Variants in SDK1 observed in about 807,000 individuals in gnomAD.
The protein encoded by SDK1 is sidekick cell adhesion molecule 1, also known as protein sidekick-1.
In SDK1, 157 loss-of-function variants were observed where a neutral mutation model predicts 245.5. The ratio of observed to expected loss-of-function variants is 0.64; its 90% CI spans 0.56 to 0.73. The LOEUF (loss-of-function observed/expected upper bound fraction) is 0.73, where lower values mean the gene tolerates loss of function less well. SDK1 is among the 30% of genes least tolerant of loss of function. The pLI is 0.00. For synonymous variants in SDK1, 1,647 were observed against 1,278.5 expected (o/e 1.29, Z -6.15); for missense variants, 3,583 against 3,002.3 (o/e 1.19, Z -4.52).
rs1562516369 is a variant in SDK1 at position 3,486,353 on chromosome 7, AT to A, written c.299-132724del. On this transcript the variant is annotated intron_variant, in intron 1 of 44. Transcript: ENST00000404826. ...CAAAACTTAGCCAGTTTTATGGGTC[AT>A]TTCAAAGAACCTGGGTTTCAAATGT... 2.6e-5 allele frequency among the ~76,000 whole-genome samples: 4 copies of A among 152,022 alleles called. No individual in the cohort carries two copies. The South Asian group carries it at 8.3e-4, about 32-fold the overall frequency.
At chr7:4,144,879 C>G (rs991949998) in intron 28 of SDK1, among the ~76,000 whole-genome samples, 1 of 152,090 alleles carries the variant, frequency 6.6e-6, no homozygotes, top group Non-Finnish European at 1.5e-5. Flanking sequence ...CACAGCGCCC[C>G]GTCATTTCTG....
At chr7:3,435,246 T>C (rs1353626487) in intron 1 of SDK1, among the ~76,000 whole-genome samples, 4 of 150,994 alleles carry the variant, frequency 2.6e-5, no homozygotes, top group African/African-American at 7.3e-5. Context: ...TTAAAACAGA[T>C]TATACTGGAG....
At chr7:4,069,352 C>A (rs1780099738) in intron 20 of SDK1, among the ~76,000 whole-genome samples, 1 of 152,246 alleles carries the variant, frequency 6.6e-6, no homozygotes, top group East Asian at 1.9e-4. Flanking sequence ...ACTTAATCTT[C>A]TTCTCTGTCA....
At chr7:3,328,452 A>T (rs79447268) in intron 1 of SDK1, among the ~76,000 whole-genome samples, 6,835 of 152,092 alleles carry the variant, frequency 0.045, 478 homozygotes, top group African/African-American at 0.15. Context: ...TGCTTGTATT[A>T]GTGTGGCAAG....
At chr7:4,080,837 C>A (rs1781009947) in intron 22 of SDK1, among the ~76,000 whole-genome samples, 1 of 151,724 alleles carries the variant, frequency 6.6e-6, no homozygotes, top group Non-Finnish European at 1.5e-5. Flanking sequence ...TGCACACGTA[C>A]CCTAAAACTT....
chr7:3,354,404 G>A (rs1450989832), intron 1 of SDK1, among the ~76,000 whole-genome samples: 2 of 152,120 alleles, frequency 1.3e-5, no homozygotes, highest in African/African-American at 4.8e-5. Context: ...TGTCTGGAAA[G>A]TTGAATATAA....
chr7:4,004,033 A>T (rs971930193), intron 14 of SDK1, among the ~76,000 whole-genome samples: 1 of 152,050 alleles, frequency 6.6e-6, no homozygotes, highest in Non-Finnish European at 1.5e-5. Context: ...CTGAGCCTTC[A>T]CTCCATCCAT....
chr7:3,801,007 C>G (rs1003160657), intron 4 of SDK1, among the ~76,000 whole-genome samples: 4 of 152,210 alleles, frequency 2.6e-5, no homozygotes, highest in Non-Finnish European at 4.4e-5. Context: ...ATGTCCTGAA[C>G]TCAGACATTT....
rs1250195442 is a variant in SDK1, at chr7:3,950,973, G to A, written c.898G>A (p.Gly300Ser). 5 of 1,614,084 alleles carry A rather than the reference G, an allele frequency of 3.1e-6. No individual in the cohort carries two copies. In the Admixed American group the frequency reaches 5.0e-5, roughly 16 times the overall value. The change falls in exon 6 of 45, where the codon GGC (glycine) becomes AGC (serine). Residue 300 changes from glycine (G) to serine (S), a missense_variant. Coordinates refer to ENST00000404826, the MANE Select transcript of SDK1 (RefSeq NM_152744.4). ...TMAPTIVVPP[G>S]NRSVVAGSSE... ...GGCCCCAACCATTGTGGTTCCCCCG[G>A]GCAACAGAAGTGTGGTGGCTGGATC... is the stretch of plus-strand genomic sequence containing the variant.
chr7:4,080,225 G>C lies in SDK1; in HGVS notation c.3324+641G>C, dbSNP rs1247718042. Among the ~76,000 whole-genome samples the C allele has an allele frequency of 2.0e-5, 3 of 152,130 alleles. No individual in the cohort carries two copies. In the East Asian group the frequency reaches 5.8e-4, roughly 29 times the overall value. On this transcript the variant is annotated intron_variant, in intron 22 of 44. Coordinates refer to ENST00000404826, the MANE Select transcript of SDK1 (RefSeq NM_152744.4). ...TGGGGGCGGGTTCCACAGGACTTGA[G>C]AGAGTGGACTCCGCCGAGAGACTTC...
At chr7:3,972,387 T>C in intron 12 of SDK1, among the ~76,000 whole-genome samples, 1 of 152,144 alleles carries the variant, frequency 6.6e-6, no homozygotes, top group Non-Finnish European at 1.5e-5. Context: ...CCAAGGGTTC[T>C]CTAAAGGAAT....
intron 35 of SDK1, among the ~76,000 whole-genome samples, chr7:4,189,069 A>G (rs755790931): frequency 6.6e-6 from 1 of 152,180 alleles, no homozygotes; most frequent in Non-Finnish European, 1.5e-5. Flanking sequence ...AAAAAAGCAA[A>G]TGCTCCTGGG....
intron 5 of SDK1, among the ~76,000 whole-genome samples, chr7:3,896,419 A>G (rs537293789): frequency 5.3e-4 from 80 of 152,196 alleles, no homozygotes; most frequent in Admixed American, 1.2e-3. Context: ...TGGCCTTGGT[A>G]GTTTCCTTAC....
chr7:3,772,587 A>G lies in SDK1; in HGVS notation c.714-48863A>G, dbSNP rs1232777345. Among the ~76,000 whole-genome samples, 2 of 152,246 alleles carry G rather than the reference A, an allele frequency of 1.3e-5. 1 individual carries two copies. Among genetic ancestry groups the G allele is most frequent in the East Asian group, 3.8e-4 (2 of 5,204 alleles). ...AAAAAGTATTAGCATCTTAAATCAT[A>G]TAGAAAAAAGTGGAGTTACAAACTA... On this transcript the variant is annotated intron_variant, in intron 4 of 44. Transcript: ENST00000404826.
intron 17 of SDK1, among the ~76,000 whole-genome samples, chr7:4,033,070 G>A (rs1787949693): frequency 1.3e-5 from 2 of 152,196 alleles, no homozygotes; most frequent in Admixed American, 1.3e-4. Context: ...AAAACATATT[G>A]TAAAGTGCTG....
chr7:3,574,412 G>A (rs1015801837), intron 1 of SDK1, among the ~76,000 whole-genome samples: 1 of 152,006 alleles, frequency 6.6e-6, no homozygotes, highest in Non-Finnish European at 1.5e-5. Flanking sequence ...CACCGTGCCC[G>A]GCTCACATAC....
intron 1 of SDK1, among the ~76,000 whole-genome samples, chr7:3,475,566 G>A (rs951160836): frequency 6.6e-6 from 1 of 152,088 alleles, no homozygotes; most frequent in Non-Finnish European, 1.5e-5. Context: ...AGTTTATTTT[G>A]ATTATTAATG....
intron 25 of SDK1, among the ~76,000 whole-genome samples, chr7:4,120,251 G>C (rs577599069): frequency 6.7e-6 from 1 of 149,216 alleles, no homozygotes; most frequent in East Asian, 1.9e-4. Context: ...TTGATGGAAA[G>C]CATTATTTAC....
In SDK1 at chr7:4,114,146, G is replaced by A. The variant is rs527837964; in HGVS notation, c.3695G>A (p.Arg1232Gln). Residue 1232 changes from arginine to glutamine, a missense_variant, in exon 25 of 45, where the codon CGG becomes CAG. Arg to Gln is a conservative substitution (Grantham distance 43). Transcript: ENST00000404826. Reference protein sequence around the residue: ...SSAVAQVVSDRLEREFTIEEL... With the variant: ...SSAVAQVVSDQLEREFTIEEL... ...GCAGTGGCCCAAGTCGTCAGTGACC[G>A]GCTGGAGAGAGAATTCACCATCGAG... is the stretch of plus-strand genomic sequence containing the variant. The A allele has an allele frequency of 8.7e-6, 14 of 1,614,252 alleles. No homozygotes were observed. Among genetic ancestry groups the A allele is most frequent in the East Asian group, 2.2e-5 (1 of 44,880 alleles).
Sources: allele counts gnomAD v4.1 joint callset (sites outside exome capture counted in the v4.1 genomes callset), GRCh38; gene constraint gnomAD v4.1.1; transcripts MANE v1.5; gene names NCBI Gene and HGNC (gene_info 2026-07-23, HGNC 2026-07-21).